Variants in THBS4 observed in about 807,000 individuals in gnomAD.
The protein encoded by THBS4 is thrombospondin-4.
Under a neutral mutation model 115.7 loss-of-function variants are expected in THBS4, and 90 were observed. The observed-to-expected ratio is 0.78, with a 90% CI of 0.66 to 0.93. The LOEUF (loss-of-function observed/expected upper bound fraction) is 0.93. THBS4 is among the 40% of genes least tolerant of loss of function. The pLI, the probability that THBS4 is intolerant of heterozygous loss-of-function variation, is 0.00. For missense variants in THBS4, 1,087 were observed against 1,232.7 expected, an observed-to-expected ratio of 0.88 and a Z score of 1.77; for synonymous variants, 460 against 479.3, an observed-to-expected ratio of 0.96 and a Z score of 0.53.
chr5:80,081,922 A>C (rs893097712), intron 20 of THBS4: 1 of 154,040 alleles, frequency 6.5e-6, no homozygotes, highest in Admixed American at 6.4e-5. Context: ...CTCCAACTCT[A>C]CTTAGGGAGT....
chr5:80,021,126 C>T (rs970497232), intron 2 of THBS4, among the ~76,000 whole-genome samples: 6 of 152,232 alleles, frequency 3.9e-5, no homozygotes, highest in East Asian at 1.9e-4. Context: ...AATCTTCAAC[C>T]GAGAAACAGT....
At chr5:80,081,499 AAC>A (rs1233898593) in intron 20 of THBS4, among the ~76,000 whole-genome samples, 1 of 152,220 alleles carries the variant, frequency 6.6e-6, no homozygotes, top group Non-Finnish European at 1.5e-5. Flanking sequence ...GACAAAATGA[AAC>A]AGACACTTGC....
intron 20 of THBS4, among the ~76,000 whole-genome samples, chr5:80,081,175 A>T (rs1743487610): frequency 6.6e-6 from 1 of 152,196 alleles, no homozygotes; most frequent in East Asian, 1.9e-4. Context: ...CAGGGCAGGA[A>T]AGCAGCCTTG....
chr5:80,017,949 T>C (rs1293216887), intron 2 of THBS4, among the ~76,000 whole-genome samples: 1 of 152,154 alleles, frequency 6.6e-6, no homozygotes, highest in Non-Finnish European at 1.5e-5. Flanking sequence ...GTACCTCTAA[T>C]TTTTATTCCT....
upstream of THBS4, chr5:80,033,109 G>T: frequency 3.8e-6 from 1 of 265,356 alleles, no homozygotes; most frequent in Non-Finnish European, 8.1e-6. Context: ...TTCAGAAACA[G>T]GGTAACATCA....
At chr5:79,998,930 A>G (rs1831848863) in intron 2 of THBS4, among the ~76,000 whole-genome samples, 1 of 152,190 alleles carries the variant, frequency 6.6e-6, no homozygotes, top group African/African-American at 2.4e-5. Context: ...CAGTGGCCAC[A>G]TGGCTCTCTA....
At chr5:80,050,165 G>A (rs540337872) in intron 2 of THBS4, among the ~76,000 whole-genome samples, 1 of 152,328 alleles carries the variant, frequency 6.6e-6, no homozygotes, top group African/African-American at 2.4e-5. Context: ...ACCGCCCAGT[G>A]GGTTCACCTT....
intron 2 of THBS4, among the ~76,000 whole-genome samples, chr5:80,048,357 C>T (rs1436201775): frequency 6.6e-6 from 1 of 152,102 alleles, no homozygotes; most frequent in Non-Finnish European, 1.5e-5. Flanking sequence ...GTAGAGGCTG[C>T]ACTTTTATTG....
At chr5:80,078,355 A>C in intron 17 of THBS4, 128 bp downstream of exon 17, 2 of 748,020 alleles carry the variant, frequency 2.7e-6, no homozygotes, top group Non-Finnish European at 4.0e-6. Context: ...CTTATTCCTC[A>C]ACAGCCCTAT....
At chr5:80,008,224 C>T (rs1832054506) in intron 2 of THBS4, among the ~76,000 whole-genome samples, 1 of 152,090 alleles carries the variant, frequency 6.6e-6, no homozygotes, top group African/African-American at 2.4e-5. Flanking sequence ...CAGCTACAAT[C>T]AGTGGTTTAA....
intron 2 of THBS4, chr5:79,998,535 A>G (rs940598171): frequency 2.0e-5 from 3 of 152,292 alleles, no homozygotes; most frequent in African/African-American, 7.2e-5. Context: ...AAAAAGAGAC[A>G]TAGCAACACA....
intron 2 of THBS4, among the ~76,000 whole-genome samples, chr5:80,023,854 T>A (rs1190660937): frequency 6.6e-6 from 1 of 152,028 alleles, no homozygotes; most frequent in Non-Finnish European, 1.5e-5. Context: ...GGAGCCAGGC[T>A]CTTTCTCACA....
chr5:80,056,770 A>G (rs78981682), intron 3 of THBS4, among the ~76,000 whole-genome samples: 5 of 152,196 alleles, frequency 3.3e-5, no homozygotes, highest in African/African-American at 7.2e-5. Flanking sequence ...ATCAGTAACT[A>G]TGTTCTTCTG....
In THBS4 at chr5:80,035,578, T is replaced by C. The variant is rs757907566; in HGVS notation, c.41T>C (p.Leu14Pro). Residue 14 changes from leucine (L) to proline (P), a missense_variant, in exon 1 of 22, where the codon CTG (leucine) becomes CCG (proline). Leu to Pro is a moderately conservative substitution (Grantham distance 98). Around this residue, in one of 3 missense-constraint regions of THBS4, gnomAD observed 979 missense variants for 1,103.7 expected, o/e 0.89. Transcript: ENST00000350881. This position sits in a 1 kb window ranked among gnomAD's most constrained non-coding sequence, Gnocchi z 4.6. ...PRGAAVLLLH[L>P]VLQRWLAAGA... is the part of the protein sequence containing the mutation. ...GGAGCCGCCGTCCTCCTGCTGCACC[T>C]GGTCCTGCAGCGGTGGCTAGCGGCA... 2.8e-6 allele frequency: 4 copies of C among 1,443,022 alleles called. No homozygotes were observed. Among genetic ancestry groups the C allele is most frequent in the South Asian group, 1.4e-5 (1 of 70,814 alleles). 89.4% of individuals were successfully genotyped at this position (1,443,022 alleles called of 1,614,324 possible).
At chr5:80,044,719 T>A (rs1411061353) in intron 2 of THBS4, among the ~76,000 whole-genome samples, 1 of 148,404 alleles carries the variant, frequency 6.7e-6, no homozygotes, top group African/African-American at 2.5e-5. Context: ...GCCACCACAC[T>A]CAGCCAAAAA....
At chr5:80,057,126 AAG>A (rs1833459365) in intron 3 of THBS4, among the ~76,000 whole-genome samples, 1 of 152,206 alleles carries the variant, frequency 6.6e-6, no homozygotes, top group Non-Finnish European at 1.5e-5. Flanking sequence ...AATTAATAGA[AAG>A]ATATGCTAAA....
At chr5:79,991,937 C>T (rs186402132) in intron 1 of THBS4, among the ~76,000 whole-genome samples, 9 of 152,318 alleles carry the variant, frequency 5.9e-5, no homozygotes, top group Admixed American at 5.9e-4. Context: ...GACCTTTTGC[C>T]TTTCACAGAA....
intron 2 of THBS4, among the ~76,000 whole-genome samples, chr5:80,044,731 A>T (rs1474727043): frequency 2.1e-5 from 3 of 140,264 alleles, no homozygotes; most frequent in Non-Finnish European, 4.5e-5. Flanking sequence ...AGCCAAAAAA[A>T]GATTTTTTTT....
At chr5:80,013,316 T>G (rs1461505783) in intron 2 of THBS4, among the ~76,000 whole-genome samples, 1 of 150,480 alleles carries the variant, frequency 6.6e-6, no homozygotes, top group Non-Finnish European at 1.5e-5. Flanking sequence ...ATTTTTCTAT[T>G]TTTAGTAGAA....
Sources: allele counts gnomAD v4.1 joint callset (sites outside exome capture counted in the v4.1 genomes callset), GRCh38; gene constraint gnomAD v4.1.1; regional missense constraint gnomAD v4.1.1; non-coding constraint Gnocchi (gnomAD v3.1); transcripts MANE v1.5; gene names NCBI Gene and HGNC (gene_info 2026-07-23, HGNC 2026-07-21).